The following NAALADL2 variants were observed in gnomAD, a reference collection of about 807,000 sequenced individuals.
NAALADL2 encodes N-acetylated alpha-linked acidic dipeptidase like 2.
Under a neutral mutation model 87.2 loss-of-function variants are expected in NAALADL2, and 76 were observed. The observed-to-expected ratio is 0.87, with a 90% CI of 0.72 to 1.05. NAALADL2 has a LOEUF of 1.05. NAALADL2 is among the 50% of genes least tolerant of loss of function. The pLI, the probability that NAALADL2 is intolerant of heterozygous loss-of-function variation, is 0.00. For synonymous variants in NAALADL2, 354 were observed against 331.0 expected (o/e 1.07, Z -0.75); for missense variants, 1,089 against 945.8 (o/e 1.15, Z -1.99).
intron 2 of NAALADL2, among the ~76,000 whole-genome samples, chr3:174,654,915 T>C (rs1300602780): frequency 6.6e-6 from 1 of 152,058 alleles, no homozygotes; most frequent in East Asian, 1.9e-4. Context: ...TTTTGTATTT[T>C]TAGTAGAGAC....
intron 4 of NAALADL2, among the ~76,000 whole-genome samples, chr3:175,290,592 T>G (rs1262002161): frequency 6.6e-6 from 1 of 152,192 alleles, no homozygotes; most frequent in Non-Finnish European, 1.5e-5. Context: ...CTAGTGGATT[T>G]TATAATATGA....
intron 2 of NAALADL2, among the ~76,000 whole-genome samples, chr3:175,231,207 G>T (rs62285900): frequency 1.3e-5 from 2 of 151,710 alleles, no homozygotes; most frequent in South Asian, 4.2e-4. Flanking sequence ...AAGCAACAAA[G>T]TCAGATTGAT....
At chr3:174,731,725 T>C (rs1217910359) in intron 2 of NAALADL2, among the ~76,000 whole-genome samples, 1 of 152,180 alleles carries the variant, frequency 6.6e-6, no homozygotes, top group Non-Finnish European at 1.5e-5. Flanking sequence ...ATTTAGAATT[T>C]CTAACAAATT....
At chr3:174,596,043 TAAC>T (rs1425369243) in intron 2 of NAALADL2, among the ~76,000 whole-genome samples, 3 of 151,402 alleles carry the variant, frequency 2.0e-5, no homozygotes, top group South Asian at 2.1e-4. Flanking sequence ...CAAACAAAAA[TAAC>T]AAAACACAAA....
chr3:175,103,224 A>G (rs1460015990), intron 2 of NAALADL2, among the ~76,000 whole-genome samples: 2 of 152,166 alleles, frequency 1.3e-5, no homozygotes, highest in South Asian at 2.1e-4. Context: ...ATTACTTAAT[A>G]TAATACATTG....
At chr3:174,790,314 C>G (rs2109197862) in intron 3 of NAALADL2, among the ~76,000 whole-genome samples, 1 of 152,248 alleles carries the variant, frequency 6.6e-6, no homozygotes, top group East Asian at 1.9e-4. Context: ...CTTTCTTTCC[C>G]TCCTTTCCAT....
intron 1 of NAALADL2, among the ~76,000 whole-genome samples, chr3:174,903,080 C>T (rs1203732616): frequency 6.6e-6 from 1 of 151,926 alleles, no homozygotes; most frequent in African/African-American, 2.4e-5. Context: ...CCCAAATAGC[C>T]ACTATATTCA....
At chr3:175,145,227 T>C (rs777234847) in intron 2 of NAALADL2, among the ~76,000 whole-genome samples, 1 of 152,014 alleles carries the variant, frequency 6.6e-6, no homozygotes, top group Non-Finnish European at 1.5e-5. Flanking sequence ...CAATGTTCAG[T>C]CACCTCCTCT....
At chr3:175,364,366 G>T (rs1465081404) in intron 5 of NAALADL2, among the ~76,000 whole-genome samples, 1 of 147,728 alleles carries the variant, frequency 6.8e-6, no homozygotes, top group Admixed American at 7.0e-5. Context: ...TATGATGATG[G>T]GTGAAAAGAA....
intron 9 of NAALADL2, among the ~76,000 whole-genome samples, chr3:175,553,423 C>A (rs1714751894): frequency 6.6e-6 from 1 of 152,066 alleles, no homozygotes; most frequent in African/African-American, 2.4e-5. Flanking sequence ...AGTCCAAATC[C>A]TTCCATGTAT....
At chr3:175,785,118 T>C (rs1361370025) in intron 13 of NAALADL2, among the ~76,000 whole-genome samples, 1 of 150,788 alleles carries the variant, frequency 6.6e-6, no homozygotes, top group Non-Finnish European at 1.5e-5. Flanking sequence ...AGAGCTTTAC[T>C]TCCAACTATG....
intron 4 of NAALADL2, among the ~76,000 whole-genome samples, chr3:175,279,353 G>A (rs1753985105): frequency 6.6e-6 from 1 of 152,096 alleles, no homozygotes; most frequent in Middle Eastern, 3.2e-3. Flanking sequence ...CATCTGAAAG[G>A]ATTTACTGCT....
chr3:175,160,026 A>G (rs1199366240), intron 2 of NAALADL2, among the ~76,000 whole-genome samples: 2 of 78,182 alleles, frequency 2.6e-5, no homozygotes, highest in African/African-American at 6.9e-5. Flanking sequence ...TTTAGTAGAG[A>G]TGGGGTTTCA....
At chr3:175,303,600 A>G (rs1443124689) in intron 4 of NAALADL2, among the ~76,000 whole-genome samples, 2 of 152,180 alleles carry the variant, frequency 1.3e-5, no homozygotes, top group East Asian at 1.9e-4. Flanking sequence ...AAGATTTTGT[A>G]TAAAAATTCA....
chr3:175,059,627 G>A, intron 1 of NAALADL2: 1 of 358,978 alleles, frequency 2.8e-6, no homozygotes, highest in Non-Finnish European at 5.3e-6. Context: ...GGCAACAAGT[G>A]CATGTTTTTT....
At chr3:175,278,104 C>T (rs552219385) in intron 4 of NAALADL2, among the ~76,000 whole-genome samples, 28 of 152,188 alleles carry the variant, frequency 1.8e-4, no homozygotes, top group Admixed American at 9.2e-4. Flanking sequence ...CCAGCCTGGG[C>T]GACAAAGCGA....
intron 2 of NAALADL2, among the ~76,000 whole-genome samples, chr3:174,602,688 T>A (rs952135005): frequency 3.3e-5 from 5 of 152,066 alleles, no homozygotes; most frequent in Non-Finnish European, 7.4e-5. Context: ...ATGATGGTGA[T>A]CATCCTTGTT....
intron 9 of NAALADL2, among the ~76,000 whole-genome samples, chr3:175,537,696 C>A (rs1353776908): frequency 6.6e-6 from 1 of 152,096 alleles, no homozygotes; most frequent in Non-Finnish European, 1.5e-5. Context: ...AATCTCACTA[C>A]CTGACATTGT....
At position 175,447,297 on chromosome 3, in the gene NAALADL2, G is replaced by A. The variant is rs745780062; in HGVS notation, c.1159G>A (p.Val387Ile). 18 of 1,606,252 alleles carry A rather than the reference G, an allele frequency of 1.1e-5. No individual in the cohort carries two copies. In the South Asian group the frequency reaches 1.5e-4, roughly 13 times the overall value. Residue 387 changes from valine to isoleucine, a missense_variant, in exon 6 of 14, where the codon GTT (valine) becomes ATT (isoleucine). Coordinates refer to ENST00000454872, the MANE Select transcript of NAALADL2 (RefSeq NM_207015.3). ...AGTGCAGCCCATCTCTGCACCCCTC[G>A]TTGCAAAACTGATCTCTTCGCCAAA... ...LLVQPISAPL[V>I]AKLISSPKAR...
Sources: gnomAD v4.1 joint callset for allele counts (sites outside exome capture counted in the v4.1 genomes callset) on GRCh38, gnomAD v4.1.1 for gene constraint, MANE v1.5 for transcripts, NCBI Gene and HGNC (gene_info 2026-07-23, HGNC 2026-07-21) for gene names.